Variants in TSHZ2 observed in about 807,000 individuals in gnomAD.
TSHZ2 encodes teashirt zinc finger homeobox 2, also known as teashirt homolog 2.
In TSHZ2, 21 loss-of-function variants were observed where a neutral mutation model predicts 74.4. That is an observed-to-expected ratio of 0.28 (90% confidence interval 0.20 to 0.41). The LOEUF is 0.41. Among genes scored for constraint, TSHZ2 ranks in the 10% least tolerant of loss-of-function variants. TSHZ2 has a pLI of 1.00. For missense variants in TSHZ2, 1,244 were observed against 1,293.5 expected, an observed-to-expected ratio of 0.96 and a Z score of 0.59; for synonymous variants, 540 against 515.3, an observed-to-expected ratio of 1.05 and a Z score of -0.65.
intron 2 of TSHZ2, among the ~76,000 whole-genome samples, chr20:53,280,662 TTTTTTG>T (rs1259808273): frequency 3.5e-5 from 5 of 142,794 alleles, no homozygotes; most frequent in African/African-American, 1.2e-4. Flanking sequence ...TGTTTGTTTG[TTTTTTG>T]TTGTTGTTGT....
intron 2 of TSHZ2, among the ~76,000 whole-genome samples, chr20:53,353,920 G>A (rs1403095638): frequency 6.6e-6 from 1 of 152,156 alleles, no homozygotes; most frequent in Admixed American, 6.5e-5. Context: ...CCAGGACTGA[G>A]GGGCTTCCTG....
chr20:53,115,113 G>T (rs1381443299), intron 1 of TSHZ2, among the ~76,000 whole-genome samples: 4 of 152,128 alleles, frequency 2.6e-5, no homozygotes, highest in African/African-American at 9.7e-5. Flanking sequence ...TGCTCATCAA[G>T]GCCCTACTCC....
At chr20:53,244,212 A>G (rs943110303) in intron 1 of TSHZ2, among the ~76,000 whole-genome samples, 10 of 149,610 alleles carry the variant, frequency 6.7e-5, no homozygotes, top group Non-Finnish European at 7.4e-5. Context: ...TTTACTTGGG[A>G]AAAAAAAAAC....
chr20:53,015,938 G>C (rs954935058), intron 1 of TSHZ2, among the ~76,000 whole-genome samples: 1 of 152,094 alleles, frequency 6.6e-6, no homozygotes, highest in African/African-American at 2.4e-5. Context: ...TGCCAGAAAG[G>C]GAAGAATTTT....
At chr20:53,183,783 T>C (rs1988536458) in intron 1 of TSHZ2, among the ~76,000 whole-genome samples, 1 of 152,216 alleles carries the variant, frequency 6.6e-6, no homozygotes. Flanking sequence ...ATTGTCTTTT[T>C]AAGTTTTTAT....
intron 1 of TSHZ2, among the ~76,000 whole-genome samples, chr20:53,196,696 G>A (rs761175964): frequency 3.9e-5 from 6 of 152,238 alleles, no homozygotes; most frequent in Admixed American, 1.3e-4. Context: ...ATATATATAC[G>A]ATCTTATTCA....
In TSHZ2 at chr20:53,152,491, G is replaced by A. The variant is rs1339219586; in HGVS notation, c.41-101008G>A. 3.3e-5 allele frequency among the ~76,000 whole-genome samples: 5 copies of A among 152,154 alleles called. No individual in the cohort carries two copies. The East Asian group carries it at 9.6e-4, about 29-fold the overall frequency. On this transcript the variant is annotated intron_variant, in intron 1 of 2. Transcript: ENST00000371497. The stretch of plus-strand genomic sequence containing the variant: ...ATCCTGACCCTGATTCTGAATGGCT[G>A]AATGGCTGTTGCTCTACTGGTTGTT...
In TSHZ2 at chr20:53,238,239, A is replaced by G. The variant is rs77990457; in HGVS notation, c.41-15260A>G. On this transcript the variant is annotated intron_variant, in intron 1 of 2. Transcript: ENST00000371497. Reference sequence around the variant, plus strand: ...TCAAAGTATGTATTGAGCACCATCTATCGAACAGTGGGGTCTTTGATTGCA... The same window carrying G: ...TCAAAGTATGTATTGAGCACCATCTGTCGAACAGTGGGGTCTTTGATTGCA... 5.0e-4 allele frequency among the ~76,000 whole-genome samples: 76 copies of G among 152,308 alleles called. No homozygotes were observed. The East Asian group carries it at 0.014, about 28-fold the overall frequency.
At chr20:53,101,626 A>T (rs1986221385) in intron 1 of TSHZ2, among the ~76,000 whole-genome samples, 1 of 152,190 alleles carries the variant, frequency 6.6e-6, no homozygotes, top group African/African-American at 2.4e-5. Context: ...AGCACATCTC[A>T]ATTGGCTTTC....
chr20:53,231,733 A>G (rs1417366914), intron 1 of TSHZ2, among the ~76,000 whole-genome samples: 4 of 152,138 alleles, frequency 2.6e-5, no homozygotes, highest in Non-Finnish European at 5.9e-5. Flanking sequence ...TCTTTCCTCA[A>G]CCTCTACGGG....
intron 2 of TSHZ2, among the ~76,000 whole-genome samples, chr20:53,364,104 T>C (rs1162600471): frequency 2.6e-5 from 4 of 151,540 alleles, no homozygotes; most frequent in African/African-American, 9.7e-5. Context: ...TTTTAAAAGA[T>C]AGATCAGGGA....
intron 1 of TSHZ2, among the ~76,000 whole-genome samples, chr20:53,251,949 T>A (rs1990341770): frequency 6.6e-6 from 1 of 152,212 alleles, no homozygotes. Flanking sequence ...TGGGTGTCTG[T>A]CCTCACTCTG....
intron 2 of TSHZ2, among the ~76,000 whole-genome samples, chr20:53,450,243 C>T (rs1474323303): frequency 1.3e-5 from 2 of 152,204 alleles, no homozygotes; most frequent in Admixed American, 6.5e-5. Context: ...CCATCTCCCC[C>T]TCTTTAAAAT....
chr20:53,341,291 C>T (rs2145568703), intron 2 of TSHZ2, among the ~76,000 whole-genome samples: 1 of 152,236 alleles, frequency 6.6e-6, no homozygotes, highest in East Asian at 1.9e-4. Context: ...ACGAATACAA[C>T]AACATTGATT....
chr20:53,108,888 C>T (rs1365874093), intron 1 of TSHZ2, among the ~76,000 whole-genome samples: 1 of 151,184 alleles, frequency 6.6e-6, no homozygotes, highest in Non-Finnish European at 1.5e-5. Context: ...AATTTCATAC[C>T]ATTAATTTCT....
At chr20:53,423,370 C>G (rs1983546916) in intron 2 of TSHZ2, among the ~76,000 whole-genome samples, 1 of 151,944 alleles carries the variant, frequency 6.6e-6, no homozygotes, top group South Asian at 2.1e-4. Flanking sequence ...GGTGACAGAG[C>G]AAGGTTCCAT....
At chr20:53,057,332 G>A (rs751071730) in intron 1 of TSHZ2, among the ~76,000 whole-genome samples, 5 of 152,018 alleles carry the variant, frequency 3.3e-5, no homozygotes, top group East Asian at 1.9e-4. Flanking sequence ...GTGTTTGACC[G>A]AACTTGAATC....
At chr20:52,999,250 C>T (rs1223448261) in intron 1 of TSHZ2, among the ~76,000 whole-genome samples, 2 of 152,282 alleles carry the variant, frequency 1.3e-5, no homozygotes, top group East Asian at 3.9e-4. Context: ...AAGCACACCA[C>T]CTGGGTGCCA....
chr20:53,052,022 T>C (rs1164233276), intron 1 of TSHZ2, among the ~76,000 whole-genome samples: 1 of 152,164 alleles, frequency 6.6e-6, no homozygotes, highest in African/African-American at 2.4e-5. Context: ...GGAACATTGT[T>C]AAGTATACAG....
Sources: allele counts gnomAD v4.1 joint callset (sites outside exome capture counted in the v4.1 genomes callset), GRCh38; gene constraint gnomAD v4.1.1; transcripts MANE v1.5; gene names NCBI Gene and HGNC (gene_info 2026-07-23, HGNC 2026-07-21).